SCAMP1: variants seen among roughly 807,000 people sequenced by gnomAD.
The protein encoded by SCAMP1 is secretory carrier-associated membrane protein 1.
In SCAMP1, 15 loss-of-function variants were observed where a neutral mutation model predicts 41.8. The ratio of observed to expected loss-of-function variants is 0.36; its 90% CI spans 0.24 to 0.55. The LOEUF is 0.55. Ranked by LOEUF, SCAMP1 falls within the 20% of genes least tolerant of loss-of-function variation. The pLI is 0.86. For missense variants in SCAMP1, 341 were observed against 412.6 expected, an observed-to-expected ratio of 0.83 and a Z score of 1.50; for synonymous variants, 135 against 136.8, an observed-to-expected ratio of 0.99 and a Z score of 0.09.
At chr5:78,372,459 G>C (rs1489182784) in intron 1 of SCAMP1, among the ~76,000 whole-genome samples, 1 of 152,020 alleles carries the variant, frequency 6.6e-6, no homozygotes, top group Non-Finnish European at 1.5e-5. Context: ...GAGGGGGAAG[G>C]TTCATTTGTG....
intron 1 of SCAMP1, among the ~76,000 whole-genome samples, chr5:78,367,834 T>G (rs111698538): frequency 8.5e-5 from 13 of 152,290 alleles, no homozygotes; most frequent in Non-Finnish European, 1.3e-4. Flanking sequence ...CACGTGTTGT[T>G]AGGGTCCCCT....
rs937633735 is a variant in SCAMP1 at position 78,418,873 on chromosome 5, A to T, written c.442A>T (p.Thr148Ser). ...SVDIPVEFQK[T>S]VKLMYYLWMF... ...AGACATTCCTGTAGAATTCCAAAAG[A>T]CAGTAAAGCTTATGTACTACTTGTG... Residue 148 changes from threonine (T) to serine (S), a missense_variant, in exon 5 of 9, where the codon ACA (threonine) becomes TCA (serine). Physicochemically the swap from Thr to Ser is moderately conservative, Grantham distance 58. Coordinates refer to ENST00000621999, the MANE Select transcript of SCAMP1 (RefSeq NM_004866.6). 6.3e-7 allele frequency: 1 copy of T among 1,578,864 alleles called. No individual in the cohort carries two copies.
intron 6 of SCAMP1, among the ~76,000 whole-genome samples, chr5:78,447,479 A>G (rs576758378): frequency 6.6e-6 from 1 of 152,202 alleles, no homozygotes; most frequent in African/African-American, 2.4e-5. Context: ...ATTTTGAGAA[A>G]GGTACAAAGG....
At chr5:78,451,315 G>T (rs910963570) in intron 7 of SCAMP1, among the ~76,000 whole-genome samples, 2 of 152,060 alleles carry the variant, frequency 1.3e-5, no homozygotes, top group Non-Finnish European at 2.9e-5. Flanking sequence ...AGAAATCTCA[G>T]GTACCCTTTA....
At chr5:78,444,826 C>T (rs1322001594) in intron 6 of SCAMP1, among the ~76,000 whole-genome samples, 2 of 152,196 alleles carry the variant, frequency 1.3e-5, no homozygotes, top group African/African-American at 4.8e-5. Flanking sequence ...TGTGCCTATG[C>T]ATTCCCAGCT....
chr5:78,377,796 T>G (rs976889832), intron 1 of SCAMP1, among the ~76,000 whole-genome samples: 3 of 152,184 alleles, frequency 2.0e-5, no homozygotes, highest in African/African-American at 7.2e-5. Context: ...TTTGAGTCTT[T>G]CCCATGTGTG....
intron 6 of SCAMP1, among the ~76,000 whole-genome samples, chr5:78,447,984 G>T (rs1400329279): frequency 2.0e-4 from 3 of 15,092 alleles, no homozygotes; most frequent in Non-Finnish European, 3.5e-4. Context: ...CTCCTCCCCC[G>T]TCCTCTCCTC....
intron 1 of SCAMP1, among the ~76,000 whole-genome samples, chr5:78,367,614 A>C (rs1221438519): frequency 6.6e-6 from 1 of 152,242 alleles, no homozygotes; most frequent in Non-Finnish European, 1.5e-5. Flanking sequence ...GGTCAAAACA[A>C]GGCACAAGTT....
chr5:78,440,100 A>G (rs934210371), intron 6 of SCAMP1, among the ~76,000 whole-genome samples: 1 of 152,120 alleles, frequency 6.6e-6, no homozygotes, highest in African/African-American at 2.4e-5. Flanking sequence ...CTAGTTAGCC[A>G]TTCGTCTAAT....
rs1752871863 is a variant in SCAMP1 at position 78,439,821 on chromosome 5, G to GT, written c.633-10110dup. Among the ~76,000 whole-genome samples, 3 of 152,244 alleles carry GT rather than the reference G, an allele frequency of 2.0e-5. No individual in the cohort carries two copies. In the South Asian group the frequency reaches 6.2e-4, roughly 32 times the overall value. On this transcript the variant is annotated intron_variant, in intron 6 of 8. Coordinates refer to ENST00000621999, the MANE Select transcript of SCAMP1 (RefSeq NM_004866.6). ...ATCCTTTAGAGTGTTATACAACTTG[G>GT]TTCCATTTTCCCCGTCACTTTCAGG...
intron 6 of SCAMP1, among the ~76,000 whole-genome samples, chr5:78,448,827 C>A (rs1446643364): frequency 6.6e-6 from 1 of 151,936 alleles, no homozygotes; most frequent in Non-Finnish European, 1.5e-5. Flanking sequence ...GTGGAGAAAC[C>A]CCCTCTCTAC....
rs754625657 is a variant in SCAMP1, at chr5:78,415,547, A to G, written c.163A>G (p.Asn55Asp). 2.5e-6 allele frequency: 4 copies of G among 1,606,870 alleles called. No individual in the cohort carries two copies. The South Asian group carries it at 3.4e-5, about 14-fold the overall frequency. ...TPPPGGVKMPNVPNTQPAIMK... is the reference protein window; with the variant it reads ...TPPPGGVKMPDVPNTQPAIMK... ...TCCACCAGGCGGTGTGAAGATGCCT[A>G]ATGTACCCAATACACAACCAGCAAT... Residue 55 changes from asparagine to aspartate, a missense_variant, in exon 3 of 9, where the codon AAT becomes GAT. Physicochemically the swap from Asn to Asp is conservative, Grantham distance 23 (BLOSUM62 1). Coordinates refer to ENST00000621999, the MANE Select transcript of SCAMP1 (RefSeq NM_004866.6).
chr5:78,462,616 C>T (rs1376923757), intron 8 of SCAMP1, among the ~76,000 whole-genome samples: 1 of 152,128 alleles, frequency 6.6e-6, no homozygotes, highest in Non-Finnish European at 1.5e-5. Flanking sequence ...AGCCACCACA[C>T]CCAGTCTGTA....
chr5:78,399,054 A>G (rs1314725323), intron 2 of SCAMP1, among the ~76,000 whole-genome samples: 1 of 152,130 alleles, frequency 6.6e-6, no homozygotes, highest in Non-Finnish European at 1.5e-5. Context: ...AGTGTCATAT[A>G]GTTGGAATCA....
At chr5:78,460,797 C>CTGGT (rs1753577717) in intron 8 of SCAMP1, among the ~76,000 whole-genome samples, 3 of 54,392 alleles carry the variant, frequency 5.5e-5, no homozygotes, top group African/African-American at 3.2e-4. Context: ...TCCTTCCTTC[C>CTGGT]TTCCTTCCTC....
At chr5:78,428,691 C>G (rs573491910) in intron 6 of SCAMP1, among the ~76,000 whole-genome samples, 2 of 152,122 alleles carry the variant, frequency 1.3e-5, no homozygotes, top group East Asian at 3.9e-4. Flanking sequence ...ATTGAGTTAA[C>G]ACTGTAAGCC....
intron 2 of SCAMP1, among the ~76,000 whole-genome samples, chr5:78,391,215 C>G (rs1751486513): frequency 6.6e-6 from 1 of 151,930 alleles, no homozygotes; most frequent in South Asian, 2.1e-4. Context: ...CTCCTCACTT[C>G]CCAGTAGGGG....
intron 2 of SCAMP1, among the ~76,000 whole-genome samples, chr5:78,392,480 A>T (rs946636038): frequency 6.6e-6 from 1 of 152,358 alleles, no homozygotes; most frequent in Middle Eastern, 3.4e-3. Context: ...AATTGGTGTA[A>T]TTAAAAATTA....
intron 5 of SCAMP1, 76 bp from the exon 6 acceptor site, chr5:78,421,725 T>C: frequency 1.5e-6 from 2 of 1,304,228 alleles, no homozygotes; most frequent in Non-Finnish European, 2.2e-6. Flanking sequence ...ATTTTTTTAT[T>C]TACAATTTTT....
Sources: allele counts gnomAD v4.1 joint callset (sites outside exome capture counted in the v4.1 genomes callset), GRCh38; gene constraint gnomAD v4.1.1; transcripts MANE v1.5; gene names NCBI Gene and HGNC (gene_info 2026-07-23, HGNC 2026-07-21).